The following BRINP2 variants were observed in gnomAD, a reference collection of about 807,000 sequenced individuals.
BRINP2 encodes the protein BMP/retinoic acid inducible neural specific 2.
Under a neutral mutation model 69.2 loss-of-function variants are expected in BRINP2, and 21 were observed. The ratio of observed to expected loss-of-function variants is 0.30; its 90% CI spans 0.22 to 0.44. The LOEUF (loss-of-function observed/expected upper bound fraction) is 0.44. Ranked by LOEUF, BRINP2 falls within the 20% of genes least tolerant of loss-of-function variation. The pLI is 1.00. For missense variants in BRINP2, 877 were observed against 986.0 expected, an observed-to-expected ratio of 0.89 and a Z score of 1.48; for synonymous variants, 380 against 394.1, an observed-to-expected ratio of 0.96 and a Z score of 0.42.
In BRINP2 at chr1:177,241,793, C is replaced by T. The variant is rs574606650; in HGVS notation, c.269+11648C>T. On this transcript the variant is annotated intron_variant, in intron 2 of 7. Transcript: ENST00000361539. ...GACTTCTTGCTTTCTGTGCCATTGT[C>T]GAAGACTAGCGACAGTGGTGCCAGG... Among the ~76,000 whole-genome samples the T allele has an allele frequency of 2.6e-5, 4 of 152,200 alleles. No homozygotes were observed. The East Asian group carries it at 5.8e-4, about 22-fold the overall frequency.
At chr1:177,175,096 A>G (rs1648048409) in intron 1 of BRINP2, among the ~76,000 whole-genome samples, 2 of 152,162 alleles carry the variant, frequency 1.3e-5, no homozygotes, top group South Asian at 4.1e-4. Context: ...CTCCACCCAA[A>G]TGTTCCTCCT....
intron 1 of BRINP2, among the ~76,000 whole-genome samples, chr1:177,178,908 G>A (rs1046786022): frequency 6.6e-5 from 10 of 152,296 alleles, no homozygotes; most frequent in Non-Finnish European, 4.4e-5. Context: ...GGACATTGCC[G>A]ATAATAGCTA....
chr1:177,237,513 C>T (rs1169605764), intron 2 of BRINP2, among the ~76,000 whole-genome samples: 1 of 152,204 alleles, frequency 6.6e-6, no homozygotes, highest in African/African-American at 2.4e-5. Flanking sequence ...CACACATTTT[C>T]CCATGTCTTT....
At chr1:177,181,895 G>C (rs1454683607) in intron 1 of BRINP2, among the ~76,000 whole-genome samples, 1 of 152,248 alleles carries the variant, frequency 6.6e-6, no homozygotes, top group African/African-American at 2.4e-5. Flanking sequence ...CCCGGCCGCA[G>C]AGGCGCAGGC....
intron 3 of BRINP2, chr1:177,256,409 C>T (rs1275723672): frequency 7.1e-6 from 7 of 985,434 alleles, no homozygotes; most frequent in Non-Finnish European, 8.4e-6. Flanking sequence ...AGTCACCCAA[C>T]CCCTGAGGCT....
intron 2 of BRINP2, among the ~76,000 whole-genome samples, chr1:177,244,373 A>T (rs913464047): frequency 1.3e-5 from 2 of 152,238 alleles, no homozygotes; most frequent in African/African-American, 4.8e-5. Flanking sequence ...AGCCTCAACA[A>T]GCTTAGCTAT....
intron 2 of BRINP2, among the ~76,000 whole-genome samples, chr1:177,252,453 A>T (rs1270233778): frequency 1.3e-5 from 2 of 152,142 alleles, no homozygotes; most frequent in East Asian, 3.9e-4. Flanking sequence ...TTTGTTTATA[A>T]TTGACATATC....
At chr1:177,187,043 G>A (rs1028388093) in intron 1 of BRINP2, among the ~76,000 whole-genome samples, 1 of 152,170 alleles carries the variant, frequency 6.6e-6, no homozygotes, top group African/African-American at 2.4e-5. Context: ...CTTAGAAAAG[G>A]TATGAGGAGG....
chr1:177,240,444 A>AGT (rs1553272744), intron 2 of BRINP2, among the ~76,000 whole-genome samples: 1 of 152,174 alleles, frequency 6.6e-6, no homozygotes, highest in Non-Finnish European at 1.5e-5. Context: ...ATAAATGTAC[A>AGT]ATTATTATAT....
chr1:177,275,966 T>C (rs1651479627), intron 5 of BRINP2, among the ~76,000 whole-genome samples: 2 of 152,220 alleles, frequency 1.3e-5, no homozygotes, highest in African/African-American at 4.8e-5. Context: ...TAGCTAAGCC[T>C]TGGGCTTTGA....
intron 6 of BRINP2, among the ~76,000 whole-genome samples, chr1:177,277,733 T>C (rs1256757740): frequency 6.6e-6 from 1 of 151,992 alleles, no homozygotes; most frequent in East Asian, 1.9e-4. Context: ...TTATGGTCCA[T>C]AACATGACTT....
Position 177,229,958 on chromosome 1 carries a change from C to T in BRINP2, c.82C>T (p.Pro28Ser). The change falls in exon 2 of 8, where the codon CCT becomes TCT. Residue 28 changes from proline (P) to serine (S), a missense_variant. By Grantham distance (74) the Pro-to-Ser change is moderately conservative (BLOSUM62 -1). Coordinates refer to ENST00000361539, the MANE Select transcript of BRINP2 (RefSeq NM_021165.4). ...PWTALLALGLPGWVLAVSATA... is the reference protein window; with the variant it reads ...PWTALLALGLSGWVLAVSATA... The stretch of plus-strand genomic sequence containing the variant: ...GACAGCCCTGCTGGCACTGGGCCTG[C>T]CTGGCTGGGTGTTGGCTGTCTCAGC... 1 of 1,613,520 alleles carries T rather than the reference C, an allele frequency of 6.2e-7. No homozygotes were observed. Among genetic ancestry groups the T allele is most frequent in the Non-Finnish European group, 8.5e-7 (1 of 1,179,830 alleles).
chr1:177,243,839 A>C (rs1415094631), intron 2 of BRINP2, among the ~76,000 whole-genome samples: 1 of 152,210 alleles, frequency 6.6e-6, no homozygotes, highest in East Asian at 1.9e-4. Context: ...AGGGCCTCAG[A>C]GTCCTGGATC....
chr1:177,240,189 G>A (rs1238999206), intron 2 of BRINP2, among the ~76,000 whole-genome samples: 1 of 152,204 alleles, frequency 6.6e-6, no homozygotes, highest in African/African-American at 2.4e-5. Context: ...GGAGGGATAG[G>A]AAGAAAGTCT....
rs535931304 is a variant in BRINP2 at position 177,196,023 on chromosome 1, A to C, written c.-77+24291A>C. Among the ~76,000 whole-genome samples the C allele has an allele frequency of 1.1e-4, 17 of 152,336 alleles. No homozygotes were observed. The South Asian group carries it at 3.5e-3, about 32-fold the overall frequency. ...ATTTTGATGACACGCTGAATATGAA[A>C]GTGCTTTGAAAACTGTAAAGTGCTC... is the stretch of plus-strand genomic sequence containing the variant. On this transcript the variant is annotated intron_variant, in intron 1 of 7. Transcript: ENST00000361539.
intron 1 of BRINP2, among the ~76,000 whole-genome samples, chr1:177,206,928 C>G (rs1438696527): frequency 6.6e-6 from 1 of 152,064 alleles, no homozygotes; most frequent in African/African-American, 2.4e-5. Flanking sequence ...AAACATACAG[C>G]CCCAGAGCAA....
At chr1:177,221,271 T>C (rs760804322) in intron 1 of BRINP2, among the ~76,000 whole-genome samples, 1 of 152,208 alleles carries the variant, frequency 6.6e-6, no homozygotes, top group African/African-American at 2.4e-5. Context: ...AGTGTTTAGA[T>C]TGATGTTTGG....
intron 1 of BRINP2, among the ~76,000 whole-genome samples, chr1:177,206,186 T>G (rs1325730600): frequency 6.6e-6 from 1 of 152,088 alleles, no homozygotes; most frequent in Non-Finnish European, 1.5e-5. Context: ...GAATCCTCTT[T>G]CCCCAGTCAA....
intron 1 of BRINP2, among the ~76,000 whole-genome samples, chr1:177,187,351 G>A (rs1047714118): frequency 6.6e-6 from 1 of 152,176 alleles, no homozygotes; most frequent in Non-Finnish European, 1.5e-5. Context: ...TTGGTCCTTG[G>A]TCTTCATCCT....
Sources: allele counts gnomAD v4.1 joint callset (sites outside exome capture counted in the v4.1 genomes callset), GRCh38; gene constraint gnomAD v4.1.1; transcripts MANE v1.5; gene names NCBI Gene and HGNC (gene_info 2026-07-23, HGNC 2026-07-21).